SLC25A10: variants seen among roughly 807,000 people sequenced by gnomAD.
SLC25A10 encodes solute carrier family 25 member 10.
In SLC25A10, 32 loss-of-function variants were observed where a neutral mutation model predicts 40.4. The ratio of observed to expected loss-of-function variants is 0.79; its 90% confidence interval spans 0.60 to 1.06. The LOEUF (loss-of-function observed/expected upper bound fraction) is 1.06. Among genes scored for constraint, SLC25A10 ranks in the 50% least tolerant of loss-of-function variants. SLC25A10 has a pLI of 0.00. For missense variants in SLC25A10, 394 were observed against 402.6 expected (o/e 0.98, Z 0.18); for synonymous variants, 181 against 171.1 (o/e 1.06, Z -0.45).
rs906294956 is a variant in SLC25A10, at chr17:81,717,772, C to A, written c.628-12C>A. 1 of 1,609,442 alleles carries A rather than the reference C, an allele frequency of 6.2e-7. No homozygotes were observed. The highest frequency in any genetic ancestry group is 8.5e-7 in the Non-Finnish European group (1 of 1,178,890). Reference sequence around the variant, plus strand: ...TACCTGACAGGCCGCTGGTGACGAGCCCCCTCCTCAGGGTGGATGTGCCAC... The same window carrying A: ...TACCTGACAGGCCGCTGGTGACGAGACCCCTCCTCAGGGTGGATGTGCCAC... On this transcript the variant is annotated splice_polypyrimidine_tract_variant and intron_variant, in intron 8 of 10. Transcript: ENST00000350690.
At chr17:81,715,132 C>G in intron 2 of SLC25A10, 60 bp downstream of exon 2, 2 of 1,583,866 alleles carry the variant, frequency 1.3e-6, no homozygotes, top group Non-Finnish European at 1.7e-6. Flanking sequence ...CAGTGGCATC[C>G]AAGCTACTTC....
At position 81,719,876 on chromosome 17, in the gene SLC25A10, G is replaced by T; in HGVS notation, c.751G>T (p.Ala251Ser). 6.2e-7 allele frequency: 1 copy of T among 1,613,820 alleles called. No individual in the cohort carries two copies. Among genetic ancestry groups the T allele is most frequent in the Non-Finnish European group, 8.5e-7 (1 of 1,180,000 alleles). Reference protein sequence around the residue: ...AVETAKLGPLAFYKGLVPAGI... With the variant: ...AVETAKLGPLSFYKGLVPAGI... ...GGAGACAGCGAAGCTCGGGCCTCTG[G>T]CCTTTTACAAGGTGCAGTGGTGGCG... Residue 251 changes from alanine (A) to serine (S), a missense_variant, in exon 10 of 11, where the codon GCC becomes TCC. Physicochemically the swap from Ala to Ser is moderately conservative, Grantham distance 99. Coordinates refer to ENST00000350690, the MANE Select transcript of SLC25A10 (RefSeq NM_012140.5).
intron 7 of SLC25A10, 25 bp downstream of exon 7, chr17:81,717,097 G>A: frequency 6.2e-7 from 1 of 1,610,042 alleles, no homozygotes; most frequent in African/African-American, 1.3e-5. Context: ...TGGGGTGGGT[G>A]TGGGCAGTGC....
chr17:81,715,909 T>A, intron 4 of SLC25A10, 100 bp from the exon 5 acceptor site: 1 of 1,447,098 alleles, frequency 6.9e-7, no homozygotes, highest in Non-Finnish European at 9.5e-7. Context: ...GCGTGCCCTG[T>A]CCTGTGGGCC....
rs1001754184 is a variant in SLC25A10, at chr17:81,720,230, G to A, written c.*153G>A. 6.9e-7 allele frequency: 1 copy of A among 1,456,500 alleles called. No individual in the cohort carries two copies. Among genetic ancestry groups the A allele is most frequent in the African/African-American group, 1.4e-5 (1 of 70,086 alleles). 90.2% of individuals were successfully genotyped at this position (1,456,500 alleles called of 1,614,324 possible). On this transcript the variant is annotated 3_prime_UTR_variant, in exon 11 of 11. Transcript: ENST00000350690. ...CCTGCTGTCCCCCCACCTGCTGGCT[G>A]AGCTCCTCCTGGCCTCGTCCCCTCT...
intron 9 of SLC25A10, among the ~76,000 whole-genome samples, chr17:81,718,569 C>G (rs2037530585): frequency 6.6e-6 from 1 of 151,874 alleles, no homozygotes; most frequent in Non-Finnish European, 1.5e-5. Context: ...GTGGGATAAT[C>G]CCTTGAGCCC....
intron 1 of SLC25A10, among the ~76,000 whole-genome samples, chr17:81,714,403 A>G (rs35243579): frequency 0.26 from 40,021 of 152,142 alleles, 5,844 homozygotes; most frequent in African/African-American, 0.4. Context: ...GGTGCTTTGC[A>G]GAGGAGGCCG....
chr17:81,715,988 C>T (rs771890403), intron 4 of SLC25A10, 21 bp from the exon 5 acceptor site: 66 of 1,569,500 alleles, frequency 4.2e-5, no homozygotes, highest in Admixed American at 1.5e-4. Flanking sequence ...CCGCCCCTCC[C>T]GCCACCTGCT....
In SLC25A10 at chr17:81,719,987, A is replaced by G. The variant is rs2037561175; in HGVS notation, c.774A>G (p.Pro258=). Residue 258 remains proline, a synonymous_variant, in exon 11 of 11, where the codon CCA becomes CCG. Transcript: ENST00000350690. Reference sequence around the variant, plus strand: ...CTGTCTCCCTCCAGGGCCTCGTCCCAGCTGGCATCCGCCTCATCCCCCACA... The same window carrying G: ...CTGTCTCCCTCCAGGGCCTCGTCCCGGCTGGCATCCGCCTCATCCCCCACA... The part of the protein sequence containing the change: ...GPLAFYKGLV[P]AGIRLIPHTV... The G allele has an allele frequency of 1.9e-6, 3 of 1,613,604 alleles. No individual in the cohort carries two copies. The highest frequency in any genetic ancestry group is 2.5e-6 in the Non-Finnish European group (3 of 1,179,962).
At chr17:81,715,868 G>C (rs1389140110) in intron 4 of SLC25A10, 127 bp downstream of exon 4, 13 of 1,434,068 alleles carry the variant, frequency 9.1e-6, no homozygotes, top group Non-Finnish European at 1.3e-5. Flanking sequence ...TGGTGTCCTG[G>C]GCATAGGAGG....
At chr17:81,715,803 GC>G in intron 4 of SLC25A10, 62 bp downstream of exon 4, 3 of 1,597,360 alleles carry the variant, frequency 1.9e-6, no homozygotes, top group Non-Finnish European at 1.7e-6. Flanking sequence ...ACATGCCAGG[GC>G]CTGCCAGGGC....
intron 1 of SLC25A10, among the ~76,000 whole-genome samples, chr17:81,714,607 G>A (rs998306816): frequency 6.6e-6 from 1 of 152,160 alleles, no homozygotes; most frequent in Non-Finnish European, 1.5e-5. Flanking sequence ...GGGTCTCCTC[G>A]CTGGGCCCAA....
intron 4 of SLC25A10, 121 bp from the exon 5 acceptor site, chr17:81,715,888 C>G (rs1214173316): frequency 7.1e-7 from 1 of 1,418,310 alleles, no homozygotes; most frequent in Non-Finnish European, 9.8e-7. Context: ...GGTGGGTGTC[C>G]CTGAGCCCCG....
intron 1 of SLC25A10, among the ~76,000 whole-genome samples, chr17:81,714,126 AC>A (rs1480947963): frequency 6.6e-6 from 1 of 151,814 alleles, no homozygotes; most frequent in Non-Finnish European, 1.5e-5. Flanking sequence ...ATCTTTGCCG[AC>A]CCCTGGGCGT....
At chr17:81,719,944 C>G in intron 10 of SLC25A10, 32 bp from the exon 11 acceptor site, 1 of 1,613,646 alleles carries the variant, frequency 6.2e-7, no homozygotes, top group South Asian at 1.1e-5. Context: ...CCTTCGGGCT[C>G]TGTGTCTCTC....
intron 9 of SLC25A10, 61 bp downstream of exon 9, chr17:81,717,922 C>A: frequency 7.5e-7 from 1 of 1,331,622 alleles, no homozygotes; most frequent in Non-Finnish European, 1.1e-6. Flanking sequence ...CTCACCTCTC[C>A]GGGGGGTGGA....
Position 81,716,053 on chromosome 17 carries a change from G to A in SLC25A10, c.419+3G>A. 3 of 1,597,800 alleles carry A rather than the reference G, an allele frequency of 1.9e-6. No homozygotes were observed. The highest frequency in any genetic ancestry group is 3.3e-4 in the Middle Eastern group (2 of 6,002). On this transcript the variant is annotated splice_donor_region_variant and intron_variant, in intron 5 of 10. Coordinates refer to ENST00000350690, the MANE Select transcript of SLC25A10 (RefSeq NM_012140.5). Reference sequence around the variant, plus strand: ...CTGCCCCAGGGTCAGCGGCGCAAGTGAGTCATGGGCGGCCTTCTCGGGGTG... The same window carrying A: ...CTGCCCCAGGGTCAGCGGCGCAAGTAAGTCATGGGCGGCCTTCTCGGGGTG...
intron 9 of SLC25A10, among the ~76,000 whole-genome samples, chr17:81,718,479 G>A (rs2037528982): frequency 6.6e-6 from 1 of 151,732 alleles, no homozygotes; most frequent in Non-Finnish European, 1.5e-5. Flanking sequence ...GAGTGAAACT[G>A]TCTCAAAAAA....
In SLC25A10 at chr17:81,720,880, GC is replaced by G. The variant is rs2037579278; in HGVS notation, c.*805del. On this transcript the variant is annotated 3_prime_UTR_variant, in exon 11 of 11. Coordinates refer to ENST00000350690, the MANE Select transcript of SLC25A10 (RefSeq NM_012140.5). ...AGGCGGGCCGCGGTTCCTCCTTAGG[GC>G]CTTCTCCCCGACAAGGAGTCCGACG... 5.5e-6 allele frequency: 1 copy of G among 181,568 alleles called. No homozygotes were observed. The highest frequency in any genetic ancestry group is 1.1e-5 in the Non-Finnish European group (1 of 87,992). The allele number at this position is 181,568 out of a possible 1,614,324, so 11.2% of individuals were successfully genotyped here. A position where few individuals can be genotyped will look rare whatever the true frequency, so the allele number is the denominator to read the frequency against.
Sources: allele counts gnomAD v4.1 joint callset (sites outside exome capture counted in the v4.1 genomes callset), GRCh38; gene constraint gnomAD v4.1.1; transcripts MANE v1.5; gene names NCBI Gene and HGNC (gene_info 2026-07-23, HGNC 2026-07-21).